The following WDPCP variants were observed in gnomAD, a reference collection of about 807,000 sequenced individuals.
The protein encoded by WDPCP is WD repeat-containing and planar cell polarity effector protein fritz homolog.
In WDPCP, 71 loss-of-function variants were observed where a neutral mutation model predicts 93.1. The observed-to-expected ratio is 0.76, with a 90% confidence interval of 0.63 to 0.93. The LOEUF (loss-of-function observed/expected upper bound fraction) is 0.93. Ranked by LOEUF, WDPCP falls within the 40% of genes least tolerant of loss-of-function variation. The pLI is 0.00. For synonymous variants in WDPCP, 315 were observed against 315.0 expected (o/e 1.00, Z 0.00); for missense variants, 844 against 887.4 (o/e 0.95, Z 0.62).
Position 63,199,733 on chromosome 2 carries a change from G to T in WDPCP, c.1916-24901C>A, listed in dbSNP as rs530603154. On this transcript the variant is annotated intron_variant, in intron 14 of 17. Coordinates refer to ENST00000272321, the MANE Select transcript of WDPCP (RefSeq NM_015910.7). Reference sequence around the variant, plus strand: ...CAGCAGTGCAGATGGGAACTGTGGGGTTGGAGGCCCCCCAACCGACCCACA... The same window carrying T: ...CAGCAGTGCAGATGGGAACTGTGGGTTTGGAGGCCCCCCAACCGACCCACA... Among the ~76,000 whole-genome samples the T allele has an allele frequency of 2.4e-4, 37 of 152,344 alleles. No individual in the cohort carries two copies. In the East Asian group the frequency reaches 4.6e-3, roughly 19 times the overall value.
intron 6 of WDPCP, among the ~76,000 whole-genome samples, chr2:63,445,665 A>C (rs1697807937): frequency 3.3e-5 from 5 of 152,186 alleles, no homozygotes; most frequent in Admixed American, 3.3e-4. Flanking sequence ...GAAAATAAAA[A>C]AGAGCAGGCA....
At position 63,562,927 on chromosome 2, in the gene WDPCP, G is replaced by C. The variant is rs1575655294; in HGVS notation, c.75+25270C>G. ...CTCTAAGAGGCCCTGAACCCTTTTA[G>C]TGGAAAATGATAGTTAAAAATAGAG... is the stretch of plus-strand genomic sequence containing the variant. On this transcript the variant is annotated intron_variant, in intron 1 of 17. Transcript: ENST00000272321. Among the ~76,000 whole-genome samples, 4 of 152,236 alleles carry C rather than the reference G, an allele frequency of 2.6e-5. 1 individual carries two copies. In the South Asian group the frequency reaches 8.3e-4, roughly 32 times the overall value.
intron 6 of WDPCP, among the ~76,000 whole-genome samples, chr2:63,478,093 G>C (rs927469606): frequency 1.3e-5 from 2 of 152,080 alleles, no homozygotes; most frequent in African/African-American, 2.4e-5. Flanking sequence ...GAGACAAAGA[G>C]TGACATTATA....
intron 2 of WDPCP, among the ~76,000 whole-genome samples, chr2:63,791,986 C>A (rs1670552009): frequency 6.6e-6 from 1 of 152,116 alleles, no homozygotes; most frequent in South Asian, 2.1e-4. Flanking sequence ...GGGAAAAAAA[C>A]TATATTAATT....
chr2:63,174,889 C>T (rs1009818222), intron 14 of WDPCP, 57 bp from the exon 15 acceptor site: 2 of 1,564,582 alleles, frequency 1.3e-6, no homozygotes, highest in African/African-American at 2.7e-5. Flanking sequence ...TGCTAACTCC[C>T]TTATAAGTAA....
chr2:63,650,937 G>C (rs1710101761), intron 2 of WDPCP: 1 of 152,186 alleles, frequency 6.6e-6, no homozygotes, highest in African/African-American at 2.4e-5. Flanking sequence ...TTGCCAAGAA[G>C]GCTGAAAGAT....
chr2:63,823,479 G>T (rs761806680), intron 1 of WDPCP, among the ~76,000 whole-genome samples: 3 of 151,974 alleles, frequency 2.0e-5, no homozygotes, highest in Non-Finnish European at 2.9e-5. Flanking sequence ...CTCCAGCCTG[G>T]GTGACAGAGC....
At chr2:63,296,619 C>G (rs971271119) in intron 13 of WDPCP, among the ~76,000 whole-genome samples, 6 of 152,122 alleles carry the variant, frequency 3.9e-5, no homozygotes, top group African/African-American at 1.4e-4. Flanking sequence ...AATCAACATA[C>G]AGAAATCAGT....
intron 3 of WDPCP, among the ~76,000 whole-genome samples, chr2:63,593,930 C>G (rs745515655): frequency 1.3e-5 from 2 of 152,052 alleles, no homozygotes; most frequent in Non-Finnish European, 2.9e-5. Flanking sequence ...ATAATTTTCC[C>G]TTGGAATCAG....
At chr2:63,704,746 G>T (rs1359123381) in intron 2 of WDPCP, among the ~76,000 whole-genome samples, 4 of 152,136 alleles carry the variant, frequency 2.6e-5, no homozygotes, top group Non-Finnish European at 5.9e-5. Flanking sequence ...CAAGGATATT[G>T]GTCTAAAATG....
At chr2:63,266,446 A>G (rs1446874665) in intron 13 of WDPCP, among the ~76,000 whole-genome samples, 3 of 152,246 alleles carry the variant, frequency 2.0e-5, no homozygotes, top group African/African-American at 7.2e-5. Flanking sequence ...TTAACCAAAC[A>G]GATGAAAAAC....
chr2:63,392,215 C>A (rs1461795927), intron 10 of WDPCP, among the ~76,000 whole-genome samples: 1 of 152,074 alleles, frequency 6.6e-6, no homozygotes, highest in Non-Finnish European at 1.5e-5. Flanking sequence ...AGAACAGAGG[C>A]CTTGGAAATA....
intron 2 of WDPCP, chr2:63,711,484 C>T (rs1329566016): frequency 6.6e-6 from 1 of 152,158 alleles, no homozygotes; most frequent in Admixed American, 6.5e-5. Flanking sequence ...AGGCCAAGCG[C>T]AGTGGCTCAT....
intron 1 of WDPCP, among the ~76,000 whole-genome samples, chr2:63,532,390 A>G (rs141932021): frequency 1.3e-5 from 2 of 152,246 alleles, no homozygotes; most frequent in African/African-American, 4.8e-5. Context: ...AAGAAGAGCA[A>G]CCCCAAGACA....
intron 2 of WDPCP, among the ~76,000 whole-genome samples, chr2:63,792,818 T>C (rs1220032991): frequency 2.0e-5 from 3 of 151,634 alleles, no homozygotes; most frequent in African/African-American, 7.3e-5. Flanking sequence ...TAGCAGATGA[T>C]GGGTTTTAAG....
rs147553917 is a variant in WDPCP, at chr2:63,582,607, C to T, written c.75+5590G>A. 6.7e-3 allele frequency among the ~76,000 whole-genome samples: 1,020 copies of T among 152,164 alleles called. 5 individuals are homozygous for T. The highest frequency in any genetic ancestry group is 8.8e-3 in the Non-Finnish European group (601 of 68,004). On this transcript the variant is annotated intron_variant, in intron 1 of 17. Transcript: ENST00000272321. ...CACAAGAAACATAAAAAAGACTACA[C>T]TTGCAAGGCACATCATAATGAAATT...
chr2:63,625,812 T>G (rs1709804569), intron 3 of WDPCP, among the ~76,000 whole-genome samples: 1 of 152,200 alleles, frequency 6.6e-6, no homozygotes, highest in Non-Finnish European at 1.5e-5. Context: ...ACCATTGACT[T>G]TCTTCACAGA....
intron 13 of WDPCP, among the ~76,000 whole-genome samples, chr2:63,312,098 A>G (rs894401719): frequency 1.3e-5 from 2 of 152,158 alleles, no homozygotes; most frequent in East Asian, 1.9e-4. Flanking sequence ...TCTTCCCTCA[A>G]TGTCATATGC....
At chr2:63,546,976 C>T (rs1054134289) in intron 1 of WDPCP, among the ~76,000 whole-genome samples, 1 of 151,676 alleles carries the variant, frequency 6.6e-6, no homozygotes, top group Admixed American at 6.6e-5. Flanking sequence ...AAATATAATA[C>T]TTGAAATTAG....
Sources: gnomAD v4.1 joint callset for allele counts (sites outside exome capture counted in the v4.1 genomes callset) on GRCh38, gnomAD v4.1.1 for gene constraint, MANE v1.5 for transcripts, NCBI Gene and HGNC (gene_info 2026-07-23, HGNC 2026-07-21) for gene names.